Variants in COL5A2 observed in about 807,000 individuals in gnomAD.
COL5A2 encodes collagen alpha-2(V) chain.
A neutral mutation model predicts 208.2 loss-of-function variants in COL5A2; 23 were observed. The observed-to-expected ratio is 0.11, with a 90% confidence interval of 0.08 to 0.16. The LOEUF is 0.16. Ranked by LOEUF, COL5A2 falls within the 10% of genes least tolerant of loss-of-function variation. The probability of loss-of-function intolerance (pLI) is 1.00; values close to 1 mark genes in which losing one functional copy is unlikely to be tolerated. For missense variants in COL5A2, 1,590 were observed against 1,956.4 expected (o/e 0.81, Z 3.53); for synonymous variants, 625 against 628.5 (o/e 0.99, Z 0.08).
chr2:189,161,836 A>T (rs146285163), intron 1 of COL5A2, among the ~76,000 whole-genome samples: 1 of 152,176 alleles, frequency 6.6e-6, no homozygotes, highest in Non-Finnish European at 1.5e-5. Flanking sequence ...AAATAAAAGG[A>T]TTTATTGTGT....
At chr2:189,138,885 T>A (rs1306451969) in intron 1 of COL5A2, among the ~76,000 whole-genome samples, 1 of 152,192 alleles carries the variant, frequency 6.6e-6, no homozygotes, top group Non-Finnish European at 1.5e-5. Context: ...TCCATACCGA[T>A]GTAAATACAT....
At chr2:189,191,177 C>CA (rs1688922102) in intron 1 of COL5A2, among the ~76,000 whole-genome samples, 1 of 68,474 alleles carries the variant, frequency 1.5e-5, no homozygotes, top group South Asian at 5.5e-4. Flanking sequence ...CAACAAAAAA[C>CA]AACAACAAAA....
At chr2:189,272,414 G>C in the COL5A2 span, among the ~76,000 whole-genome samples, 3 of 152,026 alleles carry the variant, frequency 2.0e-5, no homozygotes, top group African/African-American at 7.2e-5. Flanking sequence ...CAGAGGAACA[G>C]AAAACCAAAC....
At chr2:189,141,918 T>C (rs1284706505) in intron 1 of COL5A2, among the ~76,000 whole-genome samples, 1 of 152,164 alleles carries the variant, frequency 6.6e-6, no homozygotes. Flanking sequence ...TTCATCAAAC[T>C]AAGGAAAAAT....
At chr2:189,109,018 C>T (rs1478500247) in intron 2 of COL5A2, among the ~76,000 whole-genome samples, 1 of 150,018 alleles carries the variant, frequency 6.7e-6, no homozygotes, top group Non-Finnish European at 1.5e-5. Flanking sequence ...AGAATTTTCA[C>T]ATGGTCTATA....
At chr2:189,359,809 T>C in the COL5A2 span, among the ~76,000 whole-genome samples, 7 of 152,252 alleles carry the variant, frequency 4.6e-5, no homozygotes, top group African/African-American at 1.2e-4. Context: ...GTTCTATATG[T>C]CCAGGAATTT....
At chr2:189,241,628 C>T in the COL5A2 span, among the ~76,000 whole-genome samples, 88,152 of 152,054 alleles carry the variant, frequency 0.58, 26,830 homozygotes, top group East Asian at 0.72. Context: ...TGAGGCTGCA[C>T]TGAACCATGA....
the COL5A2 span, among the ~76,000 whole-genome samples, chr2:189,341,894 A>G: frequency 6.6e-6 from 1 of 152,270 alleles, no homozygotes; most frequent in South Asian, 2.1e-4. Context: ...CTTAAGAACA[A>G]GGCCAATCTT....
chr2:189,163,667 T>C (rs1470581671), intron 1 of COL5A2, among the ~76,000 whole-genome samples: 3 of 152,220 alleles, frequency 2.0e-5, no homozygotes, highest in African/African-American at 4.8e-5. Flanking sequence ...AGAGATTATG[T>C]GTGATGCTTC....
At chr2:189,435,473 T>C in the COL5A2 span, among the ~76,000 whole-genome samples, 30 of 151,860 alleles carry the variant, frequency 2.0e-4, no homozygotes, top group Non-Finnish European at 4.0e-4. Context: ...CTCAAACAAA[T>C]TTACAAGAAA....
chr2:189,246,803 A>G, the COL5A2 span, among the ~76,000 whole-genome samples: 4 of 152,216 alleles, frequency 2.6e-5, no homozygotes, highest in Admixed American at 6.5e-5. Flanking sequence ...ACAGCAAAAC[A>G]TCTTAGTGGG....
Position 189,077,319 on chromosome 2 carries a change from G to A in COL5A2, c.1059+1197C>T, listed in dbSNP as rs1229611927. On this transcript the variant is annotated intron_variant, in intron 16 of 53. Coordinates refer to ENST00000374866, the MANE Select transcript of COL5A2 (RefSeq NM_000393.5). ...TAAGACCTAAACATCGGGTAGAGGC[G>A]GGATCTGAGAAAGAATGTATGGGTC... 2.0e-5 allele frequency among the ~76,000 whole-genome samples: 3 copies of A among 152,090 alleles called. No homozygotes were observed. The East Asian group carries it at 5.8e-4, about 29-fold the overall frequency.
At chr2:189,062,062 A>AC (rs34868314) in intron 29 of COL5A2, among the ~76,000 whole-genome samples, 6 of 151,340 alleles carry the variant, frequency 4.0e-5, no homozygotes, top group East Asian at 2.0e-4. Flanking sequence ...AAACTGCCCC[A>AC]CCCCCCCAAA....
chr2:189,087,109 T>C (rs1686679715), intron 8 of COL5A2, among the ~76,000 whole-genome samples: 1 of 152,218 alleles, frequency 6.6e-6, no homozygotes, highest in Non-Finnish European at 1.5e-5. Flanking sequence ...TTGGCTGACA[T>C]AAGTTAGTTC....
chr2:189,295,837 T>C, the COL5A2 span, among the ~76,000 whole-genome samples: 1 of 152,202 alleles, frequency 6.6e-6, no homozygotes, highest in African/African-American at 2.4e-5. Flanking sequence ...GATGAAAATG[T>C]ACTGTTTTAT....
At chr2:189,063,927 G>T (rs1362015275) in intron 26 of COL5A2, 53 bp downstream of exon 26, 3 of 1,347,156 alleles carry the variant, frequency 2.2e-6, no homozygotes, top group East Asian at 4.6e-5. Context: ...CATTTAAGTT[G>T]CATGTCTGTT....
chr2:189,327,723 T>C, the COL5A2 span, among the ~76,000 whole-genome samples: 1 of 152,304 alleles, frequency 6.6e-6, no homozygotes, highest in Non-Finnish European at 1.5e-5. Flanking sequence ...CAAATAACCA[T>C]ATAACTAAAC....
intron 1 of COL5A2, among the ~76,000 whole-genome samples, chr2:189,158,245 T>A (rs954842799): frequency 1.3e-5 from 2 of 151,964 alleles, no homozygotes; most frequent in Non-Finnish European, 2.9e-5. Flanking sequence ...TATTATTACA[T>A]AAAGGATTAA....
chr2:189,185,270 G>A (rs867094978), intron 1 of COL5A2, among the ~76,000 whole-genome samples: 1 of 152,236 alleles, frequency 6.6e-6, no homozygotes, highest in East Asian at 1.9e-4. Context: ...TGATCTGCCC[G>A]CCTCAGCCTC....
Sources: allele counts gnomAD v4.1 joint callset (sites outside exome capture counted in the v4.1 genomes callset), GRCh38; gene constraint gnomAD v4.1.1; transcripts MANE v1.5; gene names NCBI Gene and HGNC (gene_info 2026-07-23, HGNC 2026-07-21).